RBMS1: variants seen among roughly 807,000 people sequenced by gnomAD.
RBMS1 encodes RNA-binding motif, single-stranded-interacting protein 1.
A neutral mutation model predicts 62.3 loss-of-function variants in RBMS1; 17 were observed. The ratio of observed to expected loss-of-function variants is 0.27; its 90% CI spans 0.19 to 0.41. RBMS1 has a LOEUF of 0.41. Ranked by LOEUF, RBMS1 falls within the 10% of genes least tolerant of loss-of-function variation. The probability of loss-of-function intolerance (pLI) is 1.00; values close to 1 mark genes in which losing one functional copy is unlikely to be tolerated. For missense variants in RBMS1, 334 were observed against 504.5 expected (o/e 0.66, Z 3.24); for synonymous variants, 172 against 170.0 (o/e 1.01, Z -0.09).
At chr2:160,322,469 G>C (rs570713879) in intron 2 of RBMS1, among the ~76,000 whole-genome samples, 1 of 152,224 alleles carries the variant, frequency 6.6e-6, no homozygotes. Context: ...AGTAGAAAAA[G>C]AGTGATTTCT....
intron 1 of RBMS1, among the ~76,000 whole-genome samples, chr2:160,378,593 G>C (rs1249938279): frequency 2.7e-5 from 4 of 150,912 alleles, no homozygotes; most frequent in Admixed American, 2.6e-4. Context: ...CTTCAGCCTG[G>C]GCACCAAAGT....
At chr2:160,483,238 T>G (rs1195565298) in intron 1 of RBMS1, among the ~76,000 whole-genome samples, 1 of 152,114 alleles carries the variant, frequency 6.6e-6, no homozygotes, top group East Asian at 1.9e-4. Flanking sequence ...TAAAGAATAA[T>G]TAGTATTCAA....
intron 1 of RBMS1, among the ~76,000 whole-genome samples, chr2:160,406,960 T>C (rs1362936052): frequency 1.3e-5 from 2 of 152,290 alleles, no homozygotes; most frequent in South Asian, 4.1e-4. Flanking sequence ...TAGAAGTTCC[T>C]GTTTCTTTCT....
intron 1 of RBMS1, among the ~76,000 whole-genome samples, chr2:160,382,814 C>T (rs1221958727): frequency 6.6e-6 from 1 of 151,992 alleles, no homozygotes; most frequent in Non-Finnish European, 1.5e-5. Flanking sequence ...TCACAACACT[C>T]CCACCCCACA....
At position 160,484,000 on chromosome 2, in the gene RBMS1, T is replaced by C. The variant is rs955504660; in HGVS notation, c.75+9289A>G. ...TATTTGTCTTCCTTCCAGGATAAAA[T>C]TCTTTTTTTTTTTTTTTTTTAAGAG... On this transcript the variant is annotated intron_variant, in intron 1 of 13. Coordinates refer to ENST00000348849, the MANE Select transcript of RBMS1 (RefSeq NM_016836.4). Among the ~76,000 whole-genome samples, 11 of 94,222 alleles carry C rather than the reference T, an allele frequency of 1.2e-4. No individual in the cohort carries two copies. The East Asian group carries it at 3.4e-3, about 29-fold the overall frequency. The allele number at this position is 94,222 out of a possible 152,430, so 61.8% of individuals were successfully genotyped here.
intron 1 of RBMS1, chr2:160,407,598 G>A: frequency 1.0e-6 from 1 of 982,836 alleles, no homozygotes; most frequent in African/African-American, 1.8e-5. Context: ...CCGCGAGGGG[G>A]AGGGCGCAAG....
intron 1 of RBMS1, among the ~76,000 whole-genome samples, chr2:160,469,354 G>A (rs1234455547): frequency 6.6e-6 from 1 of 152,048 alleles, no homozygotes; most frequent in Non-Finnish European, 1.5e-5. Flanking sequence ...TTCCCGCCTG[G>A]GGCTGTTTCT....
At chr2:160,407,378 C>A (rs1287711108) in intron 1 of RBMS1, 5 of 985,628 alleles carry the variant, frequency 5.1e-6, no homozygotes, top group Non-Finnish European at 6.0e-6. Context: ...CCGGTCCCTC[C>A]GAGGAGGCGC....
At chr2:160,477,432 G>C (rs1559600822) in intron 1 of RBMS1, among the ~76,000 whole-genome samples, 1 of 152,140 alleles carries the variant, frequency 6.6e-6, no homozygotes, top group Non-Finnish European at 1.5e-5. Context: ...AAGGGACAGA[G>C]TCTCACTCTG....
intron 9 of RBMS1, chr2:160,283,149 TA>T (rs1688190354): frequency 6.6e-6 from 1 of 152,234 alleles, no homozygotes; most frequent in African/African-American, 2.4e-5. Context: ...AATGTGTTAA[TA>T]GCTGTAATAT....
intron 1 of RBMS1, among the ~76,000 whole-genome samples, chr2:160,418,104 A>G (rs1347589710): frequency 2.0e-5 from 3 of 152,180 alleles, no homozygotes; most frequent in Non-Finnish European, 4.4e-5. Flanking sequence ...GATGAACCTA[A>G]ATCTATAGAT....
chr2:160,354,212 G>T (rs945880563), intron 2 of RBMS1, among the ~76,000 whole-genome samples: 1 of 152,020 alleles, frequency 6.6e-6, no homozygotes, highest in Non-Finnish European at 1.5e-5. Context: ...GATGAAAAAA[G>T]TTCAATAAAC....
Position 160,387,254 on chromosome 2 carries a change from G to C in RBMS1, c.76-19863C>G, listed in dbSNP as rs1246613071. On this transcript the variant is annotated intron_variant, in intron 1 of 13. Transcript: ENST00000348849. ...GGGATGCGGTGATGCTAGTAAATGG[G>C]AAAAGACTGAGGCAAGTGAGATTAC... 2.0e-5 allele frequency among the ~76,000 whole-genome samples: 3 copies of C among 152,044 alleles called. No homozygotes were observed. The East Asian group carries it at 5.8e-4, about 29-fold the overall frequency.
chr2:160,396,927 AG>A (rs1695177758), intron 1 of RBMS1, among the ~76,000 whole-genome samples: 1 of 152,186 alleles, frequency 6.6e-6, no homozygotes, highest in Non-Finnish European at 1.5e-5. Flanking sequence ...ACTTTCCCCT[AG>A]GCGGAAGGAT....
rs570591392 is a variant in RBMS1, at chr2:160,384,245, G to GA, written c.76-16855dup. 3.2e-3 allele frequency among the ~76,000 whole-genome samples: 483 copies of GA among 151,882 alleles called. 1 individual carries two copies. The highest frequency in any genetic ancestry group is 0.011 in the African/African-American group (445 of 41,434). ...AAACTTTAAATGTCATTTTTTAAAT[G>GA]AAAAAAAATTGAATTTTCTTTATGG... On this transcript the variant is annotated intron_variant, in intron 1 of 13. Coordinates refer to ENST00000348849, the MANE Select transcript of RBMS1 (RefSeq NM_016836.4).
chr2:160,307,905 T>A (rs1689626791), intron 4 of RBMS1, among the ~76,000 whole-genome samples: 1 of 152,270 alleles, frequency 6.6e-6, no homozygotes, highest in African/African-American at 2.4e-5. Context: ...GGGGTTCTTT[T>A]TCAACTTAGG....
intron 1 of RBMS1, among the ~76,000 whole-genome samples, chr2:160,388,480 T>C (rs1694695833): frequency 6.6e-6 from 1 of 152,178 alleles, no homozygotes; most frequent in South Asian, 2.1e-4. Flanking sequence ...GTGCCCCTGC[T>C]AAGCTGGAAG....
At chr2:160,465,259 A>T (rs777354227) in intron 1 of RBMS1, among the ~76,000 whole-genome samples, 2 of 152,236 alleles carry the variant, frequency 1.3e-5, no homozygotes, top group Non-Finnish European at 1.5e-5. Context: ...GCAATTCTCT[A>T]GAAATTCAAG....
chr2:160,376,666 C>T (rs980048416), intron 1 of RBMS1, among the ~76,000 whole-genome samples: 19 of 151,922 alleles, frequency 1.3e-4, no homozygotes, highest in African/African-American at 4.3e-4. Context: ...GACAGAGTCT[C>T]GCTCTGCCTC....
Sources: gnomAD v4.1 joint callset for allele counts (sites outside exome capture counted in the v4.1 genomes callset) on GRCh38, gnomAD v4.1.1 for gene constraint, MANE v1.5 for transcripts, NCBI Gene and HGNC (gene_info 2026-07-23, HGNC 2026-07-21) for gene names.